Variants in ARHGEF28 observed in about 807,000 individuals in gnomAD.
The protein encoded by ARHGEF28 is 190 kDa guanine nucleotide exchange factor.
ARHGEF28 carries 152 observed loss-of-function variants against 206.6 expected under a neutral mutation model. That is an observed-to-expected ratio of 0.74 (90% CI 0.64 to 0.84). The LOEUF (loss-of-function observed/expected upper bound fraction) is 0.84. Ranked by LOEUF, ARHGEF28 falls within the 40% of genes least tolerant of loss-of-function variation. ARHGEF28 has a pLI of 0.00. For synonymous variants in ARHGEF28, 763 were observed against 776.4 expected, an observed-to-expected ratio of 0.98 and a Z score of 0.29; for missense variants, 2,028 against 2,073.2, an observed-to-expected ratio of 0.98 and a Z score of 0.42.
intron 4 of ARHGEF28, among the ~76,000 whole-genome samples, chr5:73,757,269 G>A (rs1752365549): frequency 6.7e-6 from 1 of 148,806 alleles, no homozygotes; most frequent in African/African-American, 2.5e-5. Context: ...TGGCATCACA[G>A]GTGGAAAACA....
intron 20 of ARHGEF28, among the ~76,000 whole-genome samples, chr5:73,869,461 C>G (rs1396822401): frequency 6.6e-6 from 1 of 152,020 alleles, no homozygotes; most frequent in African/African-American, 2.4e-5. Context: ...TGTAGGTTAC[C>G]AAAAATAAAA....
At chr5:73,813,470 C>A in intron 9 of ARHGEF28, 1 of 1,468,756 alleles carries the variant, frequency 6.8e-7, no homozygotes, top group Non-Finnish European at 9.0e-7. Flanking sequence ...GGAGCTATTT[C>A]ATCCAATCTC....
At chr5:73,741,373 GTGTGTGTGTGTGTATATATA>G (rs1751381965) in intron 2 of ARHGEF28, among the ~76,000 whole-genome samples, 10 of 50,318 alleles carry the variant, frequency 2.0e-4, no homozygotes, top group African/African-American at 9.2e-4. Flanking sequence ...GTGTGTGTGT[GTGTGTGTGTGTGTATATATA>G]TATATATATA....
chr5:73,669,334 G>A lies in ARHGEF28; in HGVS notation c.-11-15507G>A, dbSNP rs549439264. On this transcript the variant is annotated intron_variant, in intron 1 of 35. Coordinates refer to ENST00000513042, the MANE Select transcript of ARHGEF28 (RefSeq NM_001177693.2). ...ACAAAGGAGAGAAAACTAATAGGAGGCATACATTCTAGCATAATTTTTAAT... is the reference window on the plus strand; with the variant it reads ...ACAAAGGAGAGAAAACTAATAGGAGACATACATTCTAGCATAATTTTTAAT... 5.9e-5 allele frequency among the ~76,000 whole-genome samples: 9 copies of A among 152,256 alleles called. No individual in the cohort carries two copies. The South Asian group carries it at 8.3e-4, about 14-fold the overall frequency.
At chr5:73,720,918 A>T (rs572945896) in intron 2 of ARHGEF28, among the ~76,000 whole-genome samples, 43 of 152,340 alleles carry the variant, frequency 2.8e-4, no homozygotes, top group African/African-American at 8.9e-4. Context: ...AATCTGAAAG[A>T]TCCATGCCTG....
At chr5:73,906,056 G>A (rs1007686406) in intron 33 of ARHGEF28, among the ~76,000 whole-genome samples, 5 of 152,096 alleles carry the variant, frequency 3.3e-5, no homozygotes, top group African/African-American at 4.8e-5. Context: ...TGCTGCATTC[G>A]ATGTTTTGTT....
Position 73,795,411 on chromosome 5 carries a change from C to T in ARHGEF28, c.1024+20C>T, listed in dbSNP as rs759075566. ...ATTTGGGTATGAAATAACGCTTTTA[C>T]CTATACTCGTAGGGGCATCCCAGAT... On this transcript the variant is annotated intron_variant, in intron 9 of 35. Transcript: ENST00000513042. 6 of 1,602,656 alleles carry T rather than the reference C, an allele frequency of 3.7e-6. No individual in the cohort carries two copies. The highest frequency in any genetic ancestry group is 5.1e-6 in the Non-Finnish European group (6 of 1,170,176).
chr5:73,875,095 T>C (rs1242043418), intron 22 of ARHGEF28, among the ~76,000 whole-genome samples: 2 of 149,008 alleles, frequency 1.3e-5, no homozygotes, highest in Non-Finnish European at 3.0e-5. Flanking sequence ...TTCCTGACTT[T>C]TTAATGATTG....
At chr5:73,839,645 C>T (rs531791928) in intron 10 of ARHGEF28, among the ~76,000 whole-genome samples, 6 of 152,130 alleles carry the variant, frequency 3.9e-5, no homozygotes, top group South Asian at 4.1e-4. Flanking sequence ...CCAGAAGTTC[C>T]GTCCTTTCTC....
intron 1 of ARHGEF28, among the ~76,000 whole-genome samples, chr5:73,682,672 A>G (rs1747183599): frequency 6.6e-6 from 1 of 152,134 alleles, no homozygotes. Context: ...TCAGCCTCCC[A>G]AAGTGCTGGC....
At chr5:73,697,757 A>G (rs1191353314) in intron 2 of ARHGEF28, among the ~76,000 whole-genome samples, 1 of 152,172 alleles carries the variant, frequency 6.6e-6, no homozygotes, top group East Asian at 1.9e-4. Flanking sequence ...CATTCAAACC[A>G]TAGCAACCAT....
chr5:73,745,354 A>G (rs940517748), intron 2 of ARHGEF28, among the ~76,000 whole-genome samples: 1 of 152,078 alleles, frequency 6.6e-6, no homozygotes, highest in African/African-American at 2.4e-5. Flanking sequence ...ACTGGTGTTG[A>G]CAACCATTTC....
At chr5:73,897,777 G>T (rs1762039478) in intron 29 of ARHGEF28, among the ~76,000 whole-genome samples, 185 bp from the exon 30 acceptor site, 1 of 152,204 alleles carries the variant, frequency 6.6e-6, no homozygotes, top group Non-Finnish European at 1.5e-5. Flanking sequence ...GTGTGTGTGT[G>T]GTGTGCGCGC....
At chr5:73,728,795 A>G (rs980841164) in intron 2 of ARHGEF28, among the ~76,000 whole-genome samples, 1 of 152,210 alleles carries the variant, frequency 6.6e-6, no homozygotes, top group Non-Finnish European at 1.5e-5. Flanking sequence ...TTTCCAACAT[A>G]TATCTTGTGT....
In ARHGEF28 at chr5:73,852,909, C is replaced by T. The variant is rs919333592; in HGVS notation, c.1790+217C>T. Among the ~76,000 whole-genome samples the T allele has an allele frequency of 2.6e-5, 4 of 152,328 alleles. No individual in the cohort carries two copies. The East Asian group carries it at 7.7e-4, about 29-fold the overall frequency. On this transcript the variant is annotated intron_variant, in intron 14 of 35. Transcript: ENST00000513042. The stretch of plus-strand genomic sequence containing the variant: ...GTGCAGGCCTCAGGATTGGGGACAG[C>T]ATGTTCTGTCTGGGTATCTTCAAAG...
At position 73,700,612 on chromosome 5, in the gene ARHGEF28, G is replaced by A. The variant is rs1748541353; in HGVS notation, c.33+15728G>A. Among the ~76,000 whole-genome samples, 3 of 152,132 alleles carry A rather than the reference G, an allele frequency of 2.0e-5. No homozygotes were observed. In the South Asian group the frequency reaches 6.2e-4, roughly 32 times the overall value. The stretch of plus-strand genomic sequence containing the variant: ...CAGTAAAGTATCGTATATTACAAAA[G>A]AGCTGGAAGAGAAGCTTCTGAATAT... On this transcript the variant is annotated intron_variant, in intron 2 of 35. Coordinates refer to ENST00000513042, the MANE Select transcript of ARHGEF28 (RefSeq NM_001177693.2).
At chr5:73,636,371 T>C (rs1157759546) in intron 1 of ARHGEF28, among the ~76,000 whole-genome samples, 1 of 152,236 alleles carries the variant, frequency 6.6e-6, no homozygotes, top group Non-Finnish European at 1.5e-5. Flanking sequence ...TTGACATGAA[T>C]GTTAACAGTA....
At chr5:73,901,377 A>C (rs1762263975) in intron 31 of ARHGEF28, 93 bp downstream of exon 31, 1 of 948,070 alleles carries the variant, frequency 1.1e-6, no homozygotes, top group Non-Finnish European at 1.6e-6. Flanking sequence ...TCAGTGGGGC[A>C]AAGGTGCTTT....
At chr5:73,644,688 C>T (rs916674015) in intron 1 of ARHGEF28, among the ~76,000 whole-genome samples, 1 of 152,168 alleles carries the variant, frequency 6.6e-6, no homozygotes, top group Non-Finnish European at 1.5e-5. Context: ...ATTTATTTTT[C>T]TCTTGCCTGT....
Sources: allele counts gnomAD v4.1 joint callset (sites outside exome capture counted in the v4.1 genomes callset), GRCh38; gene constraint gnomAD v4.1.1; transcripts MANE v1.5; gene names NCBI Gene and HGNC (gene_info 2026-07-23, HGNC 2026-07-21).